The following PLTP variants were observed in gnomAD, a reference collection of about 807,000 sequenced individuals.
PLTP encodes the protein BPI fold containing family E.
PLTP carries 43 observed loss-of-function variants against 54.1 expected under a neutral mutation model. That is an observed-to-expected ratio of 0.79 (90% CI 0.62 to 1.02). PLTP has a LOEUF of 1.02. PLTP is among the 50% of genes least tolerant of loss of function. The pLI is 0.00. For synonymous variants in PLTP, 263 were observed against 264.6 expected (o/e 0.99, Z 0.06); for missense variants, 604 against 645.9 (o/e 0.94, Z 0.70).
In PLTP at chr20:45,911,130, C is replaced by T. The variant is rs2083286117; in HGVS notation, c.200+22G>A. 3.1e-6 allele frequency: 5 copies of T among 1,612,324 alleles called. No individual in the cohort carries two copies. The East Asian group carries it at 6.7e-5, about 22-fold the overall frequency. Reference sequence around the variant, plus strand: ...ACCGCCGAGGCCCCGCCCCGGATCGCGAGGCCCCGCCCCCCACTTACTCAG... The same window carrying T: ...ACCGCCGAGGCCCCGCCCCGGATCGTGAGGCCCCGCCCCCCACTTACTCAG... On this transcript the variant is annotated intron_variant, in intron 3 of 15. Coordinates refer to ENST00000372431, the MANE Select transcript of PLTP (RefSeq NM_006227.4).
chr20:45,909,762 C>T, intron 4 of PLTP, 91 bp from the exon 5 acceptor site: 3 of 1,494,048 alleles, frequency 2.0e-6, no homozygotes, highest in Non-Finnish European at 2.8e-6. Flanking sequence ...TAAGGTTTCA[C>T]CTCTTTCCAC....
chr20:45,906,272 A>C lies in PLTP; in HGVS notation c.701T>G (p.Phe234Cys). 6.2e-7 allele frequency: 1 copy of C among 1,611,312 alleles called. No individual in the cohort carries two copies. The highest frequency in any genetic ancestry group is 2.2e-5 in the East Asian group (1 of 44,852). ...VASTSNLDMDFRGAFFPLTER... is the reference protein window; with the variant it reads ...VASTSNLDMDCRGAFFPLTER... ...ACACCAGCCCAAGCAGCTCACCCGG[A>C]AGTCCATGTCCAGGTTGCTGGTGGA... Residue 234 changes from phenylalanine to cysteine, a missense_variant, in exon 8 of 16, where the codon TTC (phenylalanine) becomes TGC (cysteine). By Grantham distance (205) the Phe-to-Cys change is radical. Coordinates refer to ENST00000372431, the MANE Select transcript of PLTP (RefSeq NM_006227.4).
chr20:45,901,499 C>T (rs902032521), intron 12 of PLTP, among the ~76,000 whole-genome samples: 16 of 152,056 alleles, frequency 1.1e-4, no homozygotes, highest in African/African-American at 3.9e-4. Context: ...GAGGCTGAGG[C>T]TGGACGATCA....
intron 12 of PLTP, among the ~76,000 whole-genome samples, chr20:45,901,864 A>G (rs896186777): frequency 1.3e-5 from 2 of 150,126 alleles, no homozygotes; most frequent in Non-Finnish European, 3.0e-5. Context: ...ACGCTATTGC[A>G]CTCCAGCCTG....
chr20:45,906,614 G>A (rs147483608), intron 7 of PLTP, among the ~76,000 whole-genome samples: 2 of 152,208 alleles, frequency 1.3e-5, no homozygotes, highest in East Asian at 1.9e-4. Context: ...GGGGGGCCGC[G>A]CATGGTGGCT....
At chr20:45,900,882 GGT>G (rs1334852389) in intron 12 of PLTP, among the ~76,000 whole-genome samples, 1 of 152,146 alleles carries the variant, frequency 6.6e-6, no homozygotes, top group Non-Finnish European at 1.5e-5. Flanking sequence ...AGTACCAACT[GGT>G]TTAGTCCTCA....
In PLTP at chr20:45,898,896, G is replaced by A. The variant is rs576931437; in HGVS notation, c.*45C>T. On this transcript the variant is annotated 3_prime_UTR_variant, in exon 16 of 16. Coordinates refer to ENST00000372431, the MANE Select transcript of PLTP (RefSeq NM_006227.4). The surrounding 1 kb of genome is among the most constrained non-coding windows in gnomAD (Gnocchi z 4.6). ...AATGTGGGAAAAGAGGGGCTGAGAG[G>A]GGTTGGGGTCCTGAATGACAGCTGC... The A allele has an allele frequency of 6.2e-6, 10 of 1,607,226 alleles. No homozygotes were observed. Among genetic ancestry groups the A allele is most frequent in the Non-Finnish European group, 8.5e-6 (10 of 1,175,722 alleles).
Position 45,906,285 on chromosome 20 carries a change from G to C in PLTP, c.688C>G (p.Leu230Val). 1 of 1,613,822 alleles carries C rather than the reference G, an allele frequency of 6.2e-7. No individual in the cohort carries two copies. Among genetic ancestry groups the C allele is most frequent in the Non-Finnish European group, 8.5e-7 (1 of 1,179,716 alleles). Reference protein sequence around the residue: ...MKDPVASTSNLDMDFRGAFFP... With the variant: ...MKDPVASTSNVDMDFRGAFFP... ...CAGCTCACCCGGAAGTCCATGTCCA[G>C]GTTGCTGGTGGAAGCCACAGGATCC... The change falls in exon 8 of 16, where the codon CTG becomes GTG. Residue 230 changes from leucine (L) to valine (V), a missense_variant. Transcript: ENST00000372431.
intron 4 of PLTP, 122 bp from the exon 5 acceptor site, chr20:45,909,793 A>G (rs2083273424): frequency 7.1e-6 from 10 of 1,403,808 alleles, no homozygotes; most frequent in Non-Finnish European, 9.0e-6. Flanking sequence ...AAACCTTCCT[A>G]TCAACTCGTA....
At position 45,904,810 on chromosome 20, in the gene PLTP, A is replaced by G. The variant is rs1469762345; in HGVS notation, c.932T>C (p.Ile311Thr). 1.2e-6 allele frequency: 2 copies of G among 1,614,036 alleles called. No individual in the cohort carries two copies. Among genetic ancestry groups the G allele is most frequent in the South Asian group, 1.1e-5 (1 of 91,076 alleles). ...CCCGCCAGCACTCACCAGCAGGACA[A>G]TGCTCCCAAAGTAGGTGGCCCTCAG... Reference protein sequence around the residue: ...MLLRATYFGSIVLLSPAVIDS... With the variant: ...MLLRATYFGSTVLLSPAVIDS... The change falls in exon 10 of 16, where the codon ATT becomes ACT. Residue 311 changes from isoleucine to threonine, a missense_variant. Physicochemically the swap from Ile to Thr is moderately conservative, Grantham distance 89. Transcript: ENST00000372431.
rs540375761 is a variant in PLTP at position 45,901,855 on chromosome 20, C to T, written c.1175+412G>A. ...CAGAGGTGGCAGTGAGTCAAGACCA[C>T]GCTATTGCACTCCAGCCTGGGCAAC... On this transcript the variant is annotated intron_variant, in intron 12 of 15. Coordinates refer to ENST00000372431, the MANE Select transcript of PLTP (RefSeq NM_006227.4). Among the ~76,000 whole-genome samples the T allele has an allele frequency of 3.8e-3, 563 of 149,330 alleles. 3 individuals carry two copies. The highest frequency in any genetic ancestry group is 4.8e-3 in the Non-Finnish European group (324 of 67,696).
chr20:45,910,905 CT>C (rs1467069768), intron 3 of PLTP: 1 of 1,399,828 alleles, frequency 7.1e-7, no homozygotes, highest in African/African-American at 1.5e-5. Context: ...CTCACATCCA[CT>C]GGTCCTGCTT....
chr20:45,909,494 T>C, intron 5 of PLTP, 22 bp downstream of exon 5: 2 of 1,613,748 alleles, frequency 1.2e-6, no homozygotes, highest in Non-Finnish European at 1.7e-6. Flanking sequence ...AAGGGTGAGC[T>C]GGGGTTGGGG....
intron 3 of PLTP, chr20:45,910,852 G>T: frequency 1.5e-6 from 2 of 1,297,584 alleles, no homozygotes; most frequent in Admixed American, 6.6e-5. Context: ...TCATCTATTG[G>T]GAAGTTCCTT....
intron 12 of PLTP, among the ~76,000 whole-genome samples, chr20:45,900,292 G>A (rs923794765): frequency 2.6e-5 from 4 of 151,366 alleles, no homozygotes; most frequent in Admixed American, 2.6e-4. Context: ...TTTTAGTAGA[G>A]ACGGGGTTTC....
intron 12 of PLTP, 35 bp from the exon 13 acceptor site, chr20:45,899,913 C>T: frequency 1.3e-6 from 2 of 1,538,208 alleles, no homozygotes; most frequent in Non-Finnish European, 1.8e-6. Context: ...GGGCAGGAAG[C>T]CTGGAAGCTC....
intron 3 of PLTP, 102 bp from the exon 4 acceptor site, chr20:45,910,172 CGGGAGT>C: frequency 1.5e-6 from 2 of 1,308,620 alleles, no homozygotes; most frequent in Non-Finnish European, 1.1e-6. Flanking sequence ...CCTGGGGAAG[CGGGAGT>C]GGGTGGAATG....
intron 1 of PLTP, chr20:45,911,848 G>C (rs2083297292): frequency 3.0e-6 from 1 of 331,878 alleles, no homozygotes; most frequent in Non-Finnish European, 5.8e-6. Flanking sequence ...TTGGAGGGTG[G>C]CTTGCGGTCT....
In PLTP at chr20:45,906,313, C is replaced by T. The variant is rs1202846700; in HGVS notation, c.660G>A (p.Met220Ile). 1 of 1,614,090 alleles carries T rather than the reference C, an allele frequency of 6.2e-7. No individual in the cohort carries two copies. The highest frequency in any genetic ancestry group is 8.5e-7 in the Non-Finnish European group (1 of 1,179,984). The part of the protein sequence containing the change: ...DELVGIDYSL[M>I]KDPVASTSNL... ...TGCTGGTGGAAGCCACAGGATCCTT[C>T]ATGAGGGAATAGTCAATGCCAACAA... The change falls in exon 8 of 16, where the codon ATG (methionine) becomes ATA (isoleucine). Residue 220 changes from methionine (M) to isoleucine (I), a missense_variant. By Grantham distance (10) the Met-to-Ile change is conservative. Transcript: ENST00000372431.
Sources: gnomAD v4.1 joint callset for allele counts (sites outside exome capture counted in the v4.1 genomes callset) on GRCh38, gnomAD v4.1.1 for gene constraint, Gnocchi (gnomAD v3.1) non-coding constraint, MANE v1.5 for transcripts, NCBI Gene and HGNC (gene_info 2026-07-23, HGNC 2026-07-21) for gene names.